The following TMEM132B variants were observed in gnomAD, a reference collection of about 807,000 sequenced individuals.
The protein encoded by TMEM132B is transmembrane protein 132B.
Under a neutral mutation model 90.8 loss-of-function variants are expected in TMEM132B, and 18 were observed. The observed-to-expected ratio is 0.20, with a 90% CI of 0.14 to 0.29. The LOEUF (loss-of-function observed/expected upper bound fraction) is 0.29. Among genes scored for constraint, TMEM132B ranks in the 10% least tolerant of loss-of-function variants. TMEM132B has a pLI of 1.00. For synonymous variants in TMEM132B, 504 were observed against 523.3 expected (o/e 0.96, Z 0.50); for missense variants, 1,096 against 1,326.8 (o/e 0.83, Z 2.70).
intron 1 of TMEM132B, among the ~76,000 whole-genome samples, chr12:125,343,191 C>T (rs1877247916): frequency 6.6e-6 from 1 of 152,198 alleles, no homozygotes; most frequent in African/African-American, 2.4e-5. Context: ...CCTCCTGAGG[C>T]TCCAGGATAT....
chr12:125,546,982 G>A (rs2094834657), intron 4 of TMEM132B, among the ~76,000 whole-genome samples: 1 of 152,176 alleles, frequency 6.6e-6, no homozygotes, highest in Non-Finnish European at 1.5e-5. Context: ...GAGAATGAGT[G>A]CCCAATAAAG....
intron 1 of TMEM132B, among the ~76,000 whole-genome samples, chr12:125,241,155 C>G (rs1325888180): frequency 2.0e-5 from 3 of 152,074 alleles, no homozygotes; most frequent in Non-Finnish European, 4.4e-5. Flanking sequence ...TATTGAACTC[C>G]AGATATCAAA....
chr12:125,307,503 T>C (rs905158345), intron 1 of TMEM132B, among the ~76,000 whole-genome samples: 27 of 152,098 alleles, frequency 1.8e-4, no homozygotes, highest in African/African-American at 6.5e-4. Flanking sequence ...ATTGAATGAA[T>C]GAATGAATGC....
intron 1 of TMEM132B, among the ~76,000 whole-genome samples, chr12:125,265,221 T>C (rs541043188): frequency 2.9e-4 from 44 of 152,368 alleles, no homozygotes; most frequent in African/African-American, 9.1e-4. Context: ...TATGTAGATA[T>C]AGTATTCCCC....
intron 1 of TMEM132B, among the ~76,000 whole-genome samples, chr12:125,225,531 T>C (rs2136077606): frequency 6.6e-6 from 1 of 152,366 alleles, no homozygotes; most frequent in South Asian, 2.1e-4. Context: ...ATTTCCATCA[T>C]GTTTCTGGAA....
At chr12:125,380,555 T>A (rs944860933) in intron 2 of TMEM132B, among the ~76,000 whole-genome samples, 1 of 152,164 alleles carries the variant, frequency 6.6e-6, no homozygotes, top group Non-Finnish European at 1.5e-5. Flanking sequence ...AAGCACGTCA[T>A]TGGAGTGGGG....
At chr12:125,254,262 C>T (rs571811853) in intron 1 of TMEM132B, among the ~76,000 whole-genome samples, 1 of 151,542 alleles carries the variant, frequency 6.6e-6, no homozygotes, top group South Asian at 2.1e-4. Context: ...GCCTGGGTCA[C>T]AGAGTGAGAT....
chr12:125,302,437 C>T (rs1197888962), intron 1 of TMEM132B, among the ~76,000 whole-genome samples: 6 of 151,802 alleles, frequency 4.0e-5, no homozygotes, highest in Non-Finnish European at 5.9e-5. Context: ...CATCAACCTG[C>T]AGAGGGATGT....
chr12:125,299,619 GCACCT>G (rs956953089), intron 1 of TMEM132B, among the ~76,000 whole-genome samples: 4 of 152,222 alleles, frequency 2.6e-5, no homozygotes, highest in Admixed American at 6.5e-5. Context: ...CCCAGAAGCA[GCACCT>G]CATTGCTCCA....
At chr12:125,643,179 G>C (rs1886674349) in intron 5 of TMEM132B, among the ~76,000 whole-genome samples, 1 of 152,120 alleles carries the variant, frequency 6.6e-6, no homozygotes, top group Non-Finnish European at 1.5e-5. Context: ...GCAAAAGTGG[G>C]GCTGTGGTGG....
intron 2 of TMEM132B, among the ~76,000 whole-genome samples, chr12:125,379,390 C>A (rs1406420222): frequency 3.9e-5 from 6 of 152,118 alleles, no homozygotes; most frequent in Non-Finnish European, 5.9e-5. Flanking sequence ...CAGGAAGGGG[C>A]CACAAGCCAA....
intron 3 of TMEM132B, among the ~76,000 whole-genome samples, chr12:125,425,974 T>C (rs1880308806): frequency 6.6e-6 from 1 of 152,176 alleles, no homozygotes; most frequent in Admixed American, 6.5e-5. Flanking sequence ...AGGAGCGCAA[T>C]TGCTGGATCA....
chr12:125,425,104 C>T (rs1410251437), intron 3 of TMEM132B, among the ~76,000 whole-genome samples: 2 of 152,098 alleles, frequency 1.3e-5, no homozygotes, highest in East Asian at 3.9e-4. Flanking sequence ...CAAGTCAGGG[C>T]TCAGAGGTGC....
intron 5 of TMEM132B, among the ~76,000 whole-genome samples, chr12:125,627,912 A>G (rs1006652012): frequency 1.3e-5 from 2 of 152,242 alleles, no homozygotes; most frequent in East Asian, 3.9e-4. Context: ...AGAACATGCA[A>G]TGTTTGTCTT....
chr12:125,519,345 G>A (rs1883246350), intron 3 of TMEM132B, 94 bp from the exon 4 acceptor site: 1 of 1,324,366 alleles, frequency 7.6e-7, no homozygotes, highest in Admixed American at 2.4e-5. Flanking sequence ...CATTCTTTTG[G>A]TTGACAAATA....
At chr12:125,344,140 A>G (rs890365531) in intron 1 of TMEM132B, among the ~76,000 whole-genome samples, 2 of 152,240 alleles carry the variant, frequency 1.3e-5, no homozygotes, top group African/African-American at 4.8e-5. Flanking sequence ...GGGAACAAGG[A>G]AAAACACAAA....
At chr12:125,302,178 G>A (rs1269675881) in intron 1 of TMEM132B, among the ~76,000 whole-genome samples, 1 of 151,894 alleles carries the variant, frequency 6.6e-6, no homozygotes, top group Admixed American at 6.6e-5. Context: ...CCAGGCTGGC[G>A]ACAGAGGGAG....
intron 1 of TMEM132B, among the ~76,000 whole-genome samples, chr12:125,343,831 T>A (rs1877271893): frequency 6.6e-6 from 1 of 152,124 alleles, no homozygotes; most frequent in Non-Finnish European, 1.5e-5. Flanking sequence ...GTGACCACAG[T>A]GGTGTGATAT....
In TMEM132B at chr12:125,650,910, G is replaced by A; in HGVS notation, c.1871G>A (p.Gly624Asp). The stretch of plus-strand genomic sequence containing the variant: ...CCGAAAATCGCTCAGTTACAGGACG[G>A]CAGGACCCTGGCTGGTCGGGAGCCG... ...EEPKIAQLQD[G>D]RTLAGREPGI... Residue 624 changes from glycine (G) to aspartate (D), a missense_variant, in exon 7 of 9, where the codon GGC becomes GAC. Gly to Asp is a moderately conservative substitution (Grantham distance 94). Coordinates refer to ENST00000682704, the MANE Select transcript of TMEM132B (RefSeq NM_001366854.1). The A allele has an allele frequency of 6.2e-7, 1 of 1,613,348 alleles. No individual in the cohort carries two copies. Among genetic ancestry groups the A allele is most frequent in the Non-Finnish European group, 8.5e-7 (1 of 1,180,016 alleles).
Sources: gnomAD v4.1 joint callset for allele counts (sites outside exome capture counted in the v4.1 genomes callset) on GRCh38, gnomAD v4.1.1 for gene constraint, MANE v1.5 for transcripts, NCBI Gene and HGNC (gene_info 2026-07-23, HGNC 2026-07-21) for gene names.